Variants in NEGR1 observed in about 807,000 individuals in gnomAD.
The protein encoded by NEGR1 is neuronal growth regulator 1, also known as IgLON family member 4.
Under a neutral mutation model 40.9 loss-of-function variants are expected in NEGR1, and 10 were observed. The observed-to-expected ratio is 0.24, with a 90% CI of 0.15 to 0.42. The LOEUF (loss-of-function observed/expected upper bound fraction) is 0.42. Ranked by LOEUF, NEGR1 falls within the 10% of genes least tolerant of loss-of-function variation. The pLI is 1.00. For synonymous variants in NEGR1, 185 were observed against 166.8 expected (o/e 1.11, Z -0.84); for missense variants, 352 against 438.9 (o/e 0.80, Z 1.77).
intron 6 of NEGR1, among the ~76,000 whole-genome samples, chr1:71,451,458 C>G (rs946045606): frequency 1.3e-5 from 2 of 151,862 alleles, no homozygotes; most frequent in South Asian, 4.2e-4. Context: ...CTCAGCCTCC[C>G]GAGTAGCTGG....
At chr1:71,604,419 T>G (rs1293052303) in intron 5 of NEGR1, among the ~76,000 whole-genome samples, 1 of 151,982 alleles carries the variant, frequency 6.6e-6, no homozygotes, top group Admixed American at 6.5e-5. Flanking sequence ...TCCTCAAAAA[T>G]ATAAGAAGGG....
At chr1:71,966,690 G>C (rs2100307545) in intron 1 of NEGR1, among the ~76,000 whole-genome samples, 1 of 152,172 alleles carries the variant, frequency 6.6e-6, no homozygotes, top group East Asian at 1.9e-4. Context: ...TGAAACAAAG[G>C]CATCTTTTGC....
At chr1:71,500,935 G>T (rs1460927885) in intron 6 of NEGR1, among the ~76,000 whole-genome samples, 3 of 151,536 alleles carry the variant, frequency 2.0e-5, no homozygotes, top group Middle Eastern at 3.2e-3. Flanking sequence ...TTTTATCTGG[G>T]GTTTATTGAC....
chr1:71,932,253 A>T (rs17263718), intron 2 of NEGR1, among the ~76,000 whole-genome samples: 3,498 of 152,164 alleles, frequency 0.023, 124 homozygotes, highest in African/African-American at 0.079. Context: ...ATTAAATCAA[A>T]GCAAATAATT....
chr1:72,102,795 C>T (rs150568573), intron 1 of NEGR1, among the ~76,000 whole-genome samples: 1,684 of 151,960 alleles, frequency 0.011, 19 homozygotes, highest in Middle Eastern at 0.02. Flanking sequence ...CATTTTATTG[C>T]TGAAGGAATA....
intron 4 of NEGR1, among the ~76,000 whole-genome samples, chr1:71,647,700 C>T (rs1285612852): frequency 6.6e-6 from 1 of 151,832 alleles, no homozygotes; most frequent in Non-Finnish European, 1.5e-5. Context: ...TACAGTTTTT[C>T]CTTTATTCAC....
chr1:71,628,591 C>T (rs1413717105), intron 4 of NEGR1, among the ~76,000 whole-genome samples: 1 of 151,774 alleles, frequency 6.6e-6, no homozygotes. Context: ...CAGGCCCCGT[C>T]GTGTGATATT....
At chr1:72,253,658 A>T (rs189392106) in intron 1 of NEGR1, among the ~76,000 whole-genome samples, 1 of 152,346 alleles carries the variant, frequency 6.6e-6, no homozygotes, top group East Asian at 1.9e-4. Flanking sequence ...GGAATCTACA[A>T]GACATTTCCA....
chr1:71,688,158 A>G (rs1653099551), intron 4 of NEGR1, among the ~76,000 whole-genome samples: 1 of 151,112 alleles, frequency 6.6e-6, no homozygotes, highest in East Asian at 1.9e-4. Flanking sequence ...AAATTGGCAT[A>G]CACAAAGTTT....
intron 2 of NEGR1, among the ~76,000 whole-genome samples, chr1:71,786,723 T>A (rs955629803): frequency 3.3e-5 from 5 of 152,178 alleles, no homozygotes; most frequent in Non-Finnish European, 7.3e-5. Flanking sequence ...ACAAATTTTT[T>A]AATACTCTTT....
At chr1:71,711,036 A>T (rs905343928) in intron 3 of NEGR1, among the ~76,000 whole-genome samples, 18 of 152,052 alleles carry the variant, frequency 1.2e-4, no homozygotes, top group Admixed American at 3.9e-4. Context: ...AAAAAAAGTT[A>T]AAAAAATTTT....
chr1:71,521,113 G>A (rs1647154089), intron 6 of NEGR1, among the ~76,000 whole-genome samples: 1 of 151,982 alleles, frequency 6.6e-6, no homozygotes, highest in Admixed American at 6.6e-5. Flanking sequence ...TTATTTCCCA[G>A]AGACTCTTAC....
intron 4 of NEGR1, among the ~76,000 whole-genome samples, chr1:71,662,588 A>G (rs1375384310): frequency 6.6e-6 from 1 of 152,086 alleles, no homozygotes; most frequent in Non-Finnish European, 1.5e-5. Context: ...GTATTGCATA[A>G]TTACCCTGTC....
At chr1:71,857,062 A>T (rs1409011286) in intron 2 of NEGR1, among the ~76,000 whole-genome samples, 2 of 152,060 alleles carry the variant, frequency 1.3e-5, no homozygotes, top group Non-Finnish European at 2.9e-5. Context: ...AGCAAATGAT[A>T]TCGCACTGAG....
intron 6 of NEGR1, among the ~76,000 whole-genome samples, chr1:71,553,122 TA>T (rs1648140088): frequency 6.6e-6 from 1 of 151,560 alleles, no homozygotes; most frequent in Admixed American, 6.6e-5. Context: ...CTGCTGAGTA[TA>T]TACTTTCTAG....
At chr1:71,971,573 A>T (rs1234846029) in intron 1 of NEGR1, among the ~76,000 whole-genome samples, 1 of 152,234 alleles carries the variant, frequency 6.6e-6, no homozygotes, top group Non-Finnish European at 1.5e-5. Context: ...GTTGTAAGTT[A>T]AAGTACTAGG....
intron 1 of NEGR1, among the ~76,000 whole-genome samples, chr1:71,961,546 A>T (rs1169975369): frequency 6.6e-6 from 1 of 152,122 alleles, no homozygotes; most frequent in Non-Finnish European, 1.5e-5. Context: ...CTACTGTAAA[A>T]TCAAGATTTA....
chr1:71,814,894 T>C (rs1161474260), intron 2 of NEGR1, among the ~76,000 whole-genome samples: 1 of 152,150 alleles, frequency 6.6e-6, no homozygotes, highest in Non-Finnish European at 1.5e-5. Context: ...GATTTTTGTG[T>C]CACTTTCTCC....
intron 6 of NEGR1, among the ~76,000 whole-genome samples, chr1:71,587,661 CAT>C (rs1649351594): frequency 2.3e-4 from 2 of 8,676 alleles, no homozygotes; most frequent in South Asian, 9.8e-3. Flanking sequence ...CACACACACA[CAT>C]GCACACACAC....
Sources: gnomAD v4.1 joint callset for allele counts (sites outside exome capture counted in the v4.1 genomes callset) on GRCh38, gnomAD v4.1.1 for gene constraint, MANE v1.5 for transcripts, NCBI Gene and HGNC (gene_info 2026-07-23, HGNC 2026-07-21) for gene names.